Variants in MCU observed in about 807,000 individuals in gnomAD.
The protein encoded by MCU is mitochondrial calcium uniporter.
A neutral mutation model predicts 45.2 loss-of-function variants in MCU; 12 were observed. The observed-to-expected ratio is 0.27, with a 90% CI of 0.17 to 0.43. The LOEUF (loss-of-function observed/expected upper bound fraction) is 0.43. Ranked by LOEUF, MCU falls within the 20% of genes least tolerant of loss-of-function variation. The probability of loss-of-function intolerance (pLI) is 1.00; values close to 1 mark genes in which losing one functional copy is unlikely to be tolerated. For missense variants in MCU, 324 were observed against 436.7 expected, an observed-to-expected ratio of 0.74 and a Z score of 2.30; for synonymous variants, 160 against 165.1, an observed-to-expected ratio of 0.97 and a Z score of 0.24.
At chr10:72,720,987 A>G (rs1358642370) in intron 1 of MCU, 8 of 153,140 alleles carry the variant, frequency 5.2e-5, no homozygotes, top group African/African-American at 1.9e-4. Context: ...AATTGTTGCT[A>G]CATACTGATC....
intron 1 of MCU, among the ~76,000 whole-genome samples, chr10:72,800,840 A>G (rs1844327997): frequency 6.6e-6 from 1 of 152,198 alleles, no homozygotes; most frequent in African/African-American, 2.4e-5. Context: ...AGTTTCACTG[A>G]GGCCTAGCAC....
At chr10:72,755,145 G>GT (rs1843556879) in intron 1 of MCU, among the ~76,000 whole-genome samples, 1 of 116,394 alleles carries the variant, frequency 8.6e-6, no homozygotes, top group Non-Finnish European at 1.9e-5. Flanking sequence ...GTGAACCTGA[G>GT]ATTTTTTTTT....
intron 2 of MCU, 50 bp downstream of exon 2, chr10:72,834,478 G>C: frequency 6.7e-7 from 1 of 1,495,086 alleles, no homozygotes; most frequent in Non-Finnish European, 9.3e-7. Context: ...TTCCTTCTTA[G>C]CTCAGTGTTT....
intron 1 of MCU, among the ~76,000 whole-genome samples, chr10:72,755,840 T>C (rs1343475792): frequency 7.3e-6 from 1 of 137,190 alleles, no homozygotes; most frequent in Non-Finnish European, 1.6e-5. Flanking sequence ...ATTGAAACCA[T>C]TTTTTTTTTT....
intron 1 of MCU, among the ~76,000 whole-genome samples, chr10:72,762,305 A>T (rs1348029221): frequency 6.6e-6 from 1 of 152,194 alleles, no homozygotes; most frequent in African/African-American, 2.4e-5. Context: ...ATTGGTACCA[A>T]TCAATCCTAG....
At chr10:72,767,519 A>G (rs1447839613) in intron 1 of MCU, among the ~76,000 whole-genome samples, 1 of 151,878 alleles carries the variant, frequency 6.6e-6, no homozygotes, top group Non-Finnish European at 1.5e-5. Context: ...ACTGTGTTTT[A>G]ATTTTTTTTG....
At chr10:72,870,747 CAGTGAAAGAATATAGGT>C (rs1447284159) in intron 5 of MCU, among the ~76,000 whole-genome samples, 1 of 152,128 alleles carries the variant, frequency 6.6e-6, no homozygotes, top group Non-Finnish European at 1.5e-5. Flanking sequence ...GTGTATGCAA[CAGTGAAAGAATATAGGT>C]AGGTGTGCAT....
intron 6 of MCU, among the ~76,000 whole-genome samples, chr10:72,879,807 A>G (rs1249918259): frequency 6.6e-6 from 1 of 152,208 alleles, no homozygotes; most frequent in Non-Finnish European, 1.5e-5. Flanking sequence ...GCACTTTGGG[A>G]GGCTGAGGCG....
chr10:72,715,555 G>A (rs1012129282), intron 1 of MCU, among the ~76,000 whole-genome samples: 2 of 152,162 alleles, frequency 1.3e-5, no homozygotes, highest in South Asian at 4.1e-4. Context: ...ATTTAATAGG[G>A]TGTGGATGAC....
At chr10:72,796,298 G>A (rs1554824371) in intron 1 of MCU, among the ~76,000 whole-genome samples, 3 of 152,056 alleles carry the variant, frequency 2.0e-5, no homozygotes, top group Non-Finnish European at 4.4e-5. Flanking sequence ...AATTGGCCAG[G>A]TGTGATGGCA....
At chr10:72,883,031 G>A (rs1845728925) in intron 6 of MCU, among the ~76,000 whole-genome samples, 1 of 152,214 alleles carries the variant, frequency 6.6e-6, no homozygotes, top group African/African-American at 2.4e-5. Context: ...TTAATGGAAT[G>A]TTATTTGGCA....
chr10:72,701,962 G>A (rs957662708), intron 1 of MCU, among the ~76,000 whole-genome samples: 9 of 152,056 alleles, frequency 5.9e-5, no homozygotes, highest in South Asian at 4.1e-4. Flanking sequence ...CCACCCAGCC[G>A]GGCGCTGTGG....
chr10:72,870,401 C>T (rs1219722569), intron 5 of MCU, among the ~76,000 whole-genome samples: 2 of 152,168 alleles, frequency 1.3e-5, no homozygotes, highest in African/African-American at 4.8e-5. Context: ...GCCTCAGCCT[C>T]CCGAGTGGCT....
intron 2 of MCU, among the ~76,000 whole-genome samples, chr10:72,837,897 G>A (rs1221166642): frequency 2.1e-5 from 3 of 142,214 alleles, no homozygotes; most frequent in Admixed American, 7.4e-5. Flanking sequence ...TCACTCTGTC[G>A]CCAGGCTGGA....
At chr10:72,766,441 A>G (rs1843727902) in intron 1 of MCU, 1 of 152,236 alleles carries the variant, frequency 6.6e-6, no homozygotes, top group African/African-American at 2.4e-5. Context: ...AAAATATGCA[A>G]GAAAAAGACA....
At chr10:72,844,054 C>G (rs1845084405) in intron 2 of MCU, among the ~76,000 whole-genome samples, 1 of 152,060 alleles carries the variant, frequency 6.6e-6, no homozygotes, top group Admixed American at 6.6e-5. Flanking sequence ...GAGATTGAGA[C>G]CAGCCTAGGC....
chr10:72,730,305 T>G (rs1470178773), intron 1 of MCU, among the ~76,000 whole-genome samples: 1 of 148,888 alleles, frequency 6.7e-6, no homozygotes, highest in Non-Finnish European at 1.5e-5. Context: ...TCCTTTCTTT[T>G]TCTTTTTTTT....
chr10:72,863,033 C>T (rs768254587), intron 4 of MCU, among the ~76,000 whole-genome samples: 3 of 152,134 alleles, frequency 2.0e-5, no homozygotes, highest in Non-Finnish European at 2.9e-5. Flanking sequence ...TTCTTTCCCT[C>T]CTACATGTTG....
chr10:72,773,677 A>C (rs970895466), intron 1 of MCU, among the ~76,000 whole-genome samples: 3 of 152,184 alleles, frequency 2.0e-5, no homozygotes, highest in Admixed American at 1.3e-4. Context: ...ACCTCAAGGC[A>C]TATAATAAAC....
Sources: gnomAD v4.1 joint callset for allele counts (sites outside exome capture counted in the v4.1 genomes callset) on GRCh38, gnomAD v4.1.1 for gene constraint, MANE v1.5 for transcripts, NCBI Gene and HGNC (gene_info 2026-07-23, HGNC 2026-07-21) for gene names.